Variants in RFX7 observed in about 807,000 individuals in gnomAD.
RFX7 encodes regulatory factor X7.
RFX7 carries 26 observed loss-of-function variants against 111.8 expected under a neutral mutation model. That is an observed-to-expected ratio of 0.23 (90% CI 0.17 to 0.32). The LOEUF is 0.32. Ranked by LOEUF, RFX7 falls within the 10% of genes least tolerant of loss-of-function variation. The pLI, the probability that RFX7 is intolerant of heterozygous loss-of-function variation, is 1.00. For synonymous variants in RFX7, 624 were observed against 624.4 expected, an observed-to-expected ratio of 1.00 and a Z score of 0.01; for missense variants, 1,573 against 1,772.9, an observed-to-expected ratio of 0.89 and a Z score of 2.02.
chr15:56,122,353 TCTTCC>T (rs1166302664), intron 5 of RFX7, among the ~76,000 whole-genome samples: 1 of 152,222 alleles, frequency 6.6e-6, no homozygotes, highest in Non-Finnish European at 1.5e-5. Flanking sequence ...ATTCTTGTTC[TCTTCC>T]CTTATTTTCT....
In RFX7 at chr15:56,192,526, T is replaced by A. The variant is rs1181809944; in HGVS notation, c.162-13223A>T. 1.8e-5 allele frequency: 3 copies of A among 163,354 alleles called. No homozygotes were observed. In the Admixed American group the frequency reaches 1.9e-4, roughly 10 times the overall value. 10.1% of individuals were successfully genotyped at this position (163,354 alleles called of 1,614,324 possible). On this transcript the variant is annotated intron_variant, in intron 2 of 9. Transcript: ENST00000559447. ...TAATCTAGAAGCTCAAGTGAGCCCA[T>A]GGGGTACCTGGCTCCTAACTACATA...
intron 2 of RFX7, among the ~76,000 whole-genome samples, chr15:56,219,315 G>A (rs2043399785): frequency 6.6e-6 from 1 of 152,036 alleles, no homozygotes; most frequent in Non-Finnish European, 1.5e-5. Context: ...GCTTTCTAAT[G>A]GTTAGTGTTT....
chr15:56,241,650 T>A (rs1179135630), intron 2 of RFX7, among the ~76,000 whole-genome samples: 2 of 152,106 alleles, frequency 1.3e-5, no homozygotes, highest in Non-Finnish European at 2.9e-5. Context: ...ATATTCACCA[T>A]CTCTTCTTTT....
intron 2 of RFX7, among the ~76,000 whole-genome samples, chr15:56,216,884 T>TG (rs75083554): frequency 0.13 from 19,767 of 152,114 alleles, 1,670 homozygotes; most frequent in East Asian, 0.44. Flanking sequence ...CTCAAATTCC[T>TG]GGCTCAAGTG....
At chr15:56,119,776 C>CAAA (rs1207159378) in intron 5 of RFX7, among the ~76,000 whole-genome samples, 7 of 65,286 alleles carry the variant, frequency 1.1e-4, no homozygotes, top group Non-Finnish European at 1.7e-4. Context: ...CACTGTGTCT[C>CAAA]AAAAAAAAAA....
chr15:56,228,945 G>T (rs1442899850), intron 2 of RFX7, among the ~76,000 whole-genome samples: 1 of 152,018 alleles, frequency 6.6e-6, no homozygotes, highest in Non-Finnish European at 1.5e-5. Context: ...GAACAAAATA[G>T]AATAAATAGT....
Position 56,098,150 on chromosome 15 carries a change from A to G in RFX7, c.1038T>C (p.Asn346=). The change falls in exon 9 of 10, where the codon AAT becomes AAC. Residue 346 remains asparagine, a synonymous_variant. Transcript: ENST00000559447. ...GAGGAGAAAGGATTGAAGGATTTCC[A>G]TTAGGAAGATTAGTCACTCCATTGC... ...ATSNGVTNLP[N]GNPSILSPQP... The G allele has an allele frequency of 4.3e-6, 7 of 1,613,922 alleles. No individual in the cohort carries two copies. Among genetic ancestry groups the G allele is most frequent in the Non-Finnish European group, 5.9e-6 (7 of 1,179,832 alleles).
intron 5 of RFX7, among the ~76,000 whole-genome samples, chr15:56,106,245 A>G (rs1248344715): frequency 2.0e-5 from 3 of 152,224 alleles, no homozygotes; most frequent in Admixed American, 6.5e-5. Flanking sequence ...AAATCATCCA[A>G]TTCCATCTGG....
rs372159750 is a variant in RFX7, at chr15:56,107,335, G to T, written c.402-3665C>A. On this transcript the variant is annotated intron_variant, in intron 5 of 9. Transcript: ENST00000559447. ...AAAAAAAAAAAAAGAAGAAAGAATT[G>T]TTTTTTTTTTTCTCTTGCTCCTTGT... 4.7e-3 allele frequency among the ~76,000 whole-genome samples: 534 copies of T among 114,574 alleles called. 4 individuals are homozygous for T. The highest frequency in any genetic ancestry group is 0.015 in the African/African-American group (492 of 32,000). 75.2% of individuals were successfully genotyped at this position (114,574 alleles called of 152,430 possible). A position where few individuals can be genotyped will look rare whatever the true frequency, so the allele number is the denominator to read the frequency against.
chr15:56,235,759 C>T (rs1175506823), intron 2 of RFX7, among the ~76,000 whole-genome samples: 1 of 152,322 alleles, frequency 6.6e-6, no homozygotes, highest in East Asian at 1.9e-4. Context: ...TCAGACTTAG[C>T]ATGCAAGTTC....
intron 5 of RFX7, among the ~76,000 whole-genome samples, chr15:56,129,436 G>C (rs1173191690): frequency 6.6e-6 from 1 of 151,238 alleles, no homozygotes; most frequent in African/African-American, 2.4e-5. Flanking sequence ...CTCATGTTAA[G>C]TTTCTTAGAT....
chr15:56,138,545 C>G (rs545167123), intron 5 of RFX7, among the ~76,000 whole-genome samples: 184 of 150,814 alleles, frequency 1.2e-3, no homozygotes, highest in Non-Finnish European at 2.2e-3. Flanking sequence ...ATACAGCACA[C>G]TGATGGGTCT....
At chr15:56,137,041 G>A (rs2042313369) in intron 5 of RFX7, among the ~76,000 whole-genome samples, 1 of 152,026 alleles carries the variant, frequency 6.6e-6, no homozygotes, top group South Asian at 2.1e-4. Context: ...GAGAATTTTT[G>A]CATCAATGTT....
intron 5 of RFX7, among the ~76,000 whole-genome samples, chr15:56,141,322 T>G (rs1407534941): frequency 6.6e-6 from 1 of 151,916 alleles, no homozygotes; most frequent in African/African-American, 2.4e-5. Context: ...GCTGTGATCG[T>G]GCCATTGCAC....
chr15:56,149,576 C>T (rs1489011130), intron 3 of RFX7, among the ~76,000 whole-genome samples: 1 of 152,074 alleles, frequency 6.6e-6, no homozygotes, highest in African/African-American at 2.4e-5. Flanking sequence ...GGTGGGGCGT[C>T]ACTTCACCTG....
At chr15:56,140,222 T>C (rs1037038828) in intron 5 of RFX7, among the ~76,000 whole-genome samples, 38 of 152,172 alleles carry the variant, frequency 2.5e-4, no homozygotes, top group Middle Eastern at 3.4e-3. Flanking sequence ...AGCCTCGCTG[T>C]CGCCTTGCAG....
At chr15:56,244,401 C>T (rs542234486), upstream of RFX7, 2 of 152,166 alleles carry the variant, frequency 1.3e-5, no homozygotes, top group African/African-American at 4.8e-5. Context: ...GAGTGCTCCT[C>T]GGTCGGGCAT....
intron 2 of RFX7, among the ~76,000 whole-genome samples, chr15:56,211,544 T>C (rs937011007): frequency 3.9e-5 from 6 of 152,136 alleles, no homozygotes; most frequent in East Asian, 3.8e-4. Flanking sequence ...AAAGCATTGA[T>C]GAGCTGGACT....
intron 3 of RFX7, among the ~76,000 whole-genome samples, chr15:56,149,837 A>G (rs761130214): frequency 6.6e-6 from 1 of 151,480 alleles, no homozygotes; most frequent in East Asian, 1.9e-4. Flanking sequence ...CCCCAGTGGC[A>G]TGTGGAATGC....
Sources: gnomAD v4.1 joint callset for allele counts (sites outside exome capture counted in the v4.1 genomes callset) on GRCh38, gnomAD v4.1.1 for gene constraint, MANE v1.5 for transcripts, NCBI Gene and HGNC (gene_info 2026-07-23, HGNC 2026-07-21) for gene names.